Variants in ASAP1 observed in about 807,000 individuals in gnomAD.
ASAP1 encodes the protein arf-GAP with SH3 domain, ANK repeat and PH domain-containing protein 1.
Under a neutral mutation model 145.2 loss-of-function variants are expected in ASAP1, and 43 were observed. The ratio of observed to expected loss-of-function variants is 0.30; its 90% CI spans 0.23 to 0.38. The LOEUF (loss-of-function observed/expected upper bound fraction) is 0.38, where lower values mean the gene tolerates loss of function less well. ASAP1 is among the 10% of genes least tolerant of loss of function. The pLI is 1.00. For missense variants in ASAP1, 1,018 were observed against 1,355.3 expected (o/e 0.75, Z 3.91); for synonymous variants, 546 against 515.5 (o/e 1.06, Z -0.80).
intron 5 of ASAP1, 129 bp downstream of exon 5, chr8:130,214,427 G>C: frequency 1.1e-6 from 1 of 923,838 alleles, no homozygotes. Context: ...GGACTAAAAA[G>C]CTTTTTGTTT....
chr8:130,142,547 T>G (rs1429608073), intron 13 of ASAP1, among the ~76,000 whole-genome samples: 1 of 152,220 alleles, frequency 6.6e-6, no homozygotes, highest in African/African-American at 2.4e-5. Flanking sequence ...ATTAAACATC[T>G]GTGGAAACAG....
chr8:130,244,173 AC>A lies in ASAP1; in HGVS notation c.187-7180del, dbSNP rs1347099643. Among the ~76,000 whole-genome samples, 16 of 152,282 alleles carry A rather than the reference AC, an allele frequency of 1.1e-4. No homozygotes were observed. The East Asian group carries it at 3.1e-3, about 29-fold the overall frequency. On this transcript the variant is annotated intron_variant, in intron 3 of 29. Coordinates refer to ENST00000518721, the MANE Select transcript of ASAP1 (RefSeq NM_018482.4). ...AGCATGGTATCAGACCTATTAGAGC[AC>A]TCAGTGGAAGCTGACTGAATGAACA...
intron 16 of ASAP1, among the ~76,000 whole-genome samples, chr8:130,127,392 T>G (rs556544506): frequency 6.6e-6 from 1 of 152,242 alleles, no homozygotes; most frequent in African/African-American, 2.4e-5. Context: ...AGTTTTTGTA[T>G]TTTTAATAGA....
In ASAP1 at chr8:130,128,055, G is replaced by A; in HGVS notation, c.1253C>T (p.Ala418Val). 1.2e-6 allele frequency: 2 copies of A among 1,610,162 alleles called. No individual in the cohort carries two copies. The highest frequency in any genetic ancestry group is 1.7e-6 in the Non-Finnish European group (2 of 1,178,682). ...ISVLTNSKEE[A>V]LTMAFRGEQS... ...CTCTCCACGGAAGGCCATGGTTAGGGCCTCTTCTTTGCTATTTGTCAATAC... is the reference window on the plus strand; with the variant it reads ...CTCTCCACGGAAGGCCATGGTTAGGACCTCTTCTTTGCTATTTGTCAATAC... The change falls in exon 16 of 30, where the codon GCC becomes GTC. Residue 418 changes from alanine to valine, a missense_variant. Physicochemically the swap from Ala to Val is moderately conservative, Grantham distance 64. This residue lies in a region of ASAP1 where 153 missense variants were observed against 221.6 expected (regional missense o/e 0.69). Transcript: ENST00000518721.
chr8:130,206,230 G>C (rs1007060606), intron 5 of ASAP1, among the ~76,000 whole-genome samples: 3 of 152,088 alleles, frequency 2.0e-5, no homozygotes, highest in African/African-American at 7.2e-5. Flanking sequence ...GCTGAAAACT[G>C]CCAATGATTG....
In ASAP1 at chr8:130,057,924, C is replaced by T. The variant is rs112031709; in HGVS notation, c.3315+30G>A. 13 of 1,611,404 alleles carry T rather than the reference C, an allele frequency of 8.1e-6. No individual in the cohort carries two copies. The Admixed American group carries it at 8.3e-5, about 10-fold the overall frequency. On this transcript the variant is annotated intron_variant, in intron 29 of 29. Coordinates refer to ENST00000518721, the MANE Select transcript of ASAP1 (RefSeq NM_018482.4). ...TGCCCAGGCATGCTGTATGAATGTA[C>T]GGATGAAGTGGATGGATATTCGTAC...
chr8:130,359,033 G>A (rs1238592851), intron 2 of ASAP1, among the ~76,000 whole-genome samples: 1 of 152,152 alleles, frequency 6.6e-6, no homozygotes. Context: ...TGGGCGCAGG[G>A]GCGGCCTCCC....
Position 130,117,005 on chromosome 8 carries a change from T to C in ASAP1, c.1881-10A>G, listed in dbSNP as rs1162575704. On this transcript the variant is annotated splice_polypyrimidine_tract_variant and intron_variant, in intron 20 of 29. Transcript: ENST00000518721. ...CTTATCCAGGTTCCCACTGAAAAAT[T>C]AGATGATGATTAGAAAAAAATGACT... 17 of 1,576,178 alleles carry C rather than the reference T, an allele frequency of 1.1e-5. No homozygotes were observed. Among genetic ancestry groups the C allele is most frequent in the African/African-American group, 1.4e-5 (1 of 73,514 alleles).
At chr8:130,132,778 A>T (rs79681067) in intron 15 of ASAP1, among the ~76,000 whole-genome samples, 2,657 of 152,298 alleles carry the variant, frequency 0.017, 35 homozygotes, top group East Asian at 0.053. Flanking sequence ...TGAATAGCTA[A>T]TTAGACCTTT....
intron 3 of ASAP1, among the ~76,000 whole-genome samples, chr8:130,265,819 G>T (rs1224197869): frequency 6.6e-6 from 1 of 152,144 alleles, no homozygotes; most frequent in Non-Finnish European, 1.5e-5. Flanking sequence ...CGAGGCTGAA[G>T]AGCCAAGACT....
intron 3 of ASAP1, among the ~76,000 whole-genome samples, chr8:130,318,649 T>C (rs972511169): frequency 2.0e-5 from 3 of 152,316 alleles, no homozygotes; most frequent in Admixed American, 1.3e-4. Context: ...ATCCCCCTCA[T>C]AGCCAGTGAA....
At chr8:130,266,117 C>T (rs1440081155) in intron 3 of ASAP1, among the ~76,000 whole-genome samples, 1 of 152,120 alleles carries the variant, frequency 6.6e-6, no homozygotes, top group African/African-American at 2.4e-5. Flanking sequence ...AAAGTTGGAC[C>T]TCTTGAGGGA....
intron 13 of ASAP1, among the ~76,000 whole-genome samples, chr8:130,138,428 C>T (rs2097600524): frequency 6.6e-6 from 1 of 152,124 alleles, no homozygotes; most frequent in African/African-American, 2.4e-5. Context: ...AAGTCAAGTA[C>T]AAGAGAATTT....
At chr8:130,199,708 A>T (rs368112734) in intron 5 of ASAP1, among the ~76,000 whole-genome samples, 21 of 152,342 alleles carry the variant, frequency 1.4e-4, no homozygotes, top group African/African-American at 5.1e-4. Context: ...CTTACAGCTT[A>T]AAATGAGCTA....
chr8:130,256,764 T>TCC (rs1379001466), intron 3 of ASAP1, among the ~76,000 whole-genome samples: 6 of 134,362 alleles, frequency 4.5e-5, no homozygotes, highest in East Asian at 2.0e-4. Flanking sequence ...TATATATATA[T>TCC]ATATATATAT....
At chr8:130,307,879 T>C (rs2137502602) in intron 3 of ASAP1, among the ~76,000 whole-genome samples, 1 of 152,324 alleles carries the variant, frequency 6.6e-6, no homozygotes, top group Middle Eastern at 3.4e-3. Flanking sequence ...TAAGTTGCCT[T>C]TCCTAATATA....
At chr8:130,408,626 T>A (rs1168681582) in intron 1 of ASAP1, among the ~76,000 whole-genome samples, 1 of 152,192 alleles carries the variant, frequency 6.6e-6, no homozygotes, top group Non-Finnish European at 1.5e-5. Flanking sequence ...CAATTCCCTA[T>A]AATAAATATC....
rs1226963496 is a variant in ASAP1, at chr8:130,358,699, GC to G, written c.60-557del. ...GCGCACGCGCGCCGCCCCCAGCCCC[GC>G]CCCCCCGGTCCCTCCCCGCCCGCGC... On this transcript the variant is annotated intron_variant, in intron 2 of 29. Coordinates refer to ENST00000518721, the MANE Select transcript of ASAP1 (RefSeq NM_018482.4). The surrounding 1 kb of genome is among the most constrained non-coding windows in gnomAD (Gnocchi z 4.1). Among the ~76,000 whole-genome samples the G allele has an allele frequency of 8.0e-3, 120 of 15,042 alleles. 1 individual carries two copies. The South Asian group carries it at 0.11, about 14-fold the overall frequency. 9.9% of individuals were successfully genotyped at this position (15,042 alleles called of 152,430 possible). A position where few individuals can be genotyped will look rare whatever the true frequency, so the allele number is the denominator to read the frequency against.
At chr8:130,341,845 G>A (rs11786705) in intron 3 of ASAP1, among the ~76,000 whole-genome samples, 124,158 of 152,130 alleles carry the variant, frequency 0.82, 51,339 homozygotes, top group African/African-American at 0.94. Context: ...CAAATAAGAG[G>A]TAAAAGAGCA....
Sources: allele counts gnomAD v4.1 joint callset (sites outside exome capture counted in the v4.1 genomes callset), GRCh38; gene constraint gnomAD v4.1.1; regional missense constraint gnomAD v4.1.1; non-coding constraint Gnocchi (gnomAD v3.1); transcripts MANE v1.5; gene names NCBI Gene and HGNC (gene_info 2026-07-23, HGNC 2026-07-21).